Variants in CCDC14 observed in about 807,000 individuals in gnomAD.
The protein encoded by CCDC14 is coiled-coil domain-containing protein 14.
A neutral mutation model predicts 81.4 loss-of-function variants in CCDC14; 71 were observed. The observed-to-expected ratio is 0.87, with a 90% CI of 0.72 to 1.06. The LOEUF is 1.06. Among genes scored for constraint, CCDC14 ranks in the 50% least tolerant of loss-of-function variants. The pLI is 0.00. For missense variants in CCDC14, 1,046 were observed against 1,047.3 expected, an observed-to-expected ratio of 1.00 and a Z score of 0.02; for synonymous variants, 332 against 364.8, an observed-to-expected ratio of 0.91 and a Z score of 1.03.
At chr3:123,935,164 T>C (rs1293477520) in intron 9 of CCDC14, among the ~76,000 whole-genome samples, 2 of 152,140 alleles carry the variant, frequency 1.3e-5, no homozygotes, top group African/African-American at 4.8e-5. Context: ...AAATGGCCTA[T>C]AAGCATATGA....
In CCDC14 at chr3:123,947,618, T is replaced by C. The variant is rs75202668; in HGVS notation, c.685-299A>G. Among the ~76,000 whole-genome samples, 1,025 of 152,210 alleles carry C rather than the reference T, an allele frequency of 6.7e-3. 15 individuals are homozygous for C. The highest frequency in any genetic ancestry group is 0.024 in the African/African-American group (993 of 41,546). ...AAACTTATTTTCTTATGATGTAATT[T>C]CCCAAAGTGGACTAATTTTTGATGC... On this transcript the variant is annotated intron_variant, in intron 7 of 12. Coordinates refer to ENST00000409697, the MANE Select transcript of CCDC14 (RefSeq NM_001366335.1).
downstream of CCDC14, among the ~76,000 whole-genome samples, chr3:123,897,091 T>C (rs1028364371): frequency 2.6e-5 from 4 of 152,196 alleles, no homozygotes; most frequent in South Asian, 8.3e-4. Flanking sequence ...CCTGAGTCTC[T>C]CTTGTTACAA....
intron 9 of CCDC14, among the ~76,000 whole-genome samples, chr3:123,936,314 GA>G (rs2036052924): frequency 6.6e-6 from 1 of 151,804 alleles, no homozygotes; most frequent in South Asian, 2.1e-4. Flanking sequence ...AAATATACTG[GA>G]TTTTAAAAAA....
chr3:123,906,254 C>A (rs527791911), intron 5 of CCDC14, among the ~76,000 whole-genome samples: 6 of 151,940 alleles, frequency 3.9e-5, no homozygotes, highest in Non-Finnish European at 7.4e-5. Context: ...GGCGTGAACA[C>A]GGGAGGCGGA....
the CCDC14 span, among the ~76,000 whole-genome samples, chr3:123,885,240 TATAG>T: frequency 6.6e-5 from 10 of 152,124 alleles, no homozygotes; most frequent in East Asian, 1.9e-3. Context: ...AAAACAAATA[TATAG>T]ATATATAGAC....
intron 12 of CCDC14, among the ~76,000 whole-genome samples, chr3:123,921,788 T>C (rs2035062864): frequency 6.6e-6 from 1 of 152,220 alleles, no homozygotes; most frequent in Non-Finnish European, 1.5e-5. Context: ...TTAAGAAAGT[T>C]TATGAATTTG....
At chr3:123,946,376 T>C (rs2036627966) in intron 8 of CCDC14, among the ~76,000 whole-genome samples, 1 of 152,112 alleles carries the variant, frequency 6.6e-6, no homozygotes. Context: ...CAAAGTGAGA[T>C]TTGTTAAACA....
intron 9 of CCDC14, among the ~76,000 whole-genome samples, chr3:123,943,881 T>C (rs2036489869): frequency 6.6e-6 from 1 of 152,180 alleles, no homozygotes. Context: ...CTTTATAATA[T>C]CCTTTATAAT....
intron 12 of CCDC14, among the ~76,000 whole-genome samples, chr3:123,916,427 T>C (rs2034693192): frequency 6.6e-6 from 1 of 152,086 alleles, no homozygotes; most frequent in Non-Finnish European, 1.5e-5. Flanking sequence ...TCATTTGTTA[T>C]GGATTCTGCT....
In CCDC14 at chr3:123,914,023, C is replaced by T. The variant is rs974738899; in HGVS notation, c.*756G>A. ...CAATGCCAAGATTTACAAATTCCAT[C>T]ATGTTTAAATATAAGGACAAAAATA... On this transcript the variant is annotated 3_prime_UTR_variant, in exon 13 of 13. Transcript: ENST00000409697. The T allele has an allele frequency of 1.0e-6, 1 of 985,046 alleles. No homozygotes were observed. Among genetic ancestry groups the T allele is most frequent in the African/African-American group, 1.7e-5 (1 of 57,168 alleles). 61.0% of individuals were successfully genotyped at this position (985,046 alleles called of 1,614,324 possible).
At position 123,914,672 on chromosome 3, in the gene CCDC14, C is replaced by T; in HGVS notation, c.*107G>A. 1 of 1,431,900 alleles carries T rather than the reference C, an allele frequency of 7.0e-7. No individual in the cohort carries two copies. The highest frequency in any genetic ancestry group is 3.0e-5 in the Admixed American group (1 of 33,622). The allele number at this position is 1,431,900 out of a possible 1,614,324, so 88.7% of individuals were successfully genotyped here. A position where few individuals can be genotyped will look rare whatever the true frequency, so the allele number is the denominator to read the frequency against. ...CATTTATTACTTGTACAATATATTA[C>T]TTCACACATAATAACATAAAACATC... On this transcript the variant is annotated 3_prime_UTR_variant, in exon 13 of 13. Transcript: ENST00000409697.
intron 12 of CCDC14, among the ~76,000 whole-genome samples, chr3:123,929,500 G>T (rs572707759): frequency 6.6e-6 from 1 of 151,890 alleles, no homozygotes; most frequent in Non-Finnish European, 1.5e-5. Flanking sequence ...ACAGGGTTTT[G>T]CTGTGTTGCC....
Position 123,914,981 on chromosome 3 carries a change from A to G in CCDC14, c.2516T>C (p.Leu839Pro). 5 of 1,614,030 alleles carry G rather than the reference A, an allele frequency of 3.1e-6. No homozygotes were observed. The highest frequency in any genetic ancestry group is 4.2e-6 in the Non-Finnish European group (5 of 1,179,862). ...QTACHGPSGCLSNSLQVKGNT... is the reference protein window; with the variant it reads ...QTACHGPSGCPSNSLQVKGNT... ...GCCTTTCACTTGAAGGCTGTTGCTAAGACAACCTGATGGGCCATGACATGC... is the reference window on the plus strand; with the variant it reads ...GCCTTTCACTTGAAGGCTGTTGCTAGGACAACCTGATGGGCCATGACATGC... Residue 839 changes from leucine to proline, a missense_variant, in exon 13 of 13, where the codon CTT becomes CCT. Transcript: ENST00000409697.
rs1293395774 is a variant in CCDC14 at position 123,914,003 on chromosome 3, C to T, written c.*776G>A. On this transcript the variant is annotated 3_prime_UTR_variant, in exon 13 of 13. Transcript: ENST00000409697. Reference sequence around the variant, plus strand: ...CAAAAAGGCAGAATTACAATCAATGCCAAGATTTACAAATTCCATCATGTT... The same window carrying T: ...CAAAAAGGCAGAATTACAATCAATGTCAAGATTTACAAATTCCATCATGTT... The T allele has an allele frequency of 3.0e-6, 3 of 985,312 alleles. No individual in the cohort carries two copies. The highest frequency in any genetic ancestry group is 3.6e-6 in the Non-Finnish European group (3 of 829,656). The allele number at this position is 985,312 out of a possible 1,614,324, so 61.0% of individuals were successfully genotyped here. A position where few individuals can be genotyped will look rare whatever the true frequency, so the allele number is the denominator to read the frequency against.
rs370915573 is a variant in CCDC14 at position 123,955,233 on chromosome 3, T to A, written c.352+610A>T. On this transcript the variant is annotated intron_variant, in intron 5 of 12. Transcript: ENST00000409697. ...CCATCTGAATTCCCACTGTGGACTT[T>A]TTCATCTTCATTTTGGGCTATCTTG... The A allele has an allele frequency of 8.5e-5, 13 of 152,238 alleles. No homozygotes were observed. In the East Asian group the frequency reaches 1.2e-3, roughly 14 times the overall value. The allele number at this position is 152,238 out of a possible 1,614,324, so 9.4% of individuals were successfully genotyped here.
rs568468044 is a variant in CCDC14, at chr3:123,944,259, T to C, written c.1343+590A>G. 3.3e-5 allele frequency among the ~76,000 whole-genome samples: 5 copies of C among 152,262 alleles called. No individual in the cohort carries two copies. In the South Asian group the frequency reaches 1.0e-3, roughly 32 times the overall value. On this transcript the variant is annotated intron_variant, in intron 9 of 12. Coordinates refer to ENST00000409697, the MANE Select transcript of CCDC14 (RefSeq NM_001366335.1). ...AGAGCAGAAGAAAAACAGTTTGCTT[T>C]TAACATAATGTCCCAGACCTTTCTA... is the stretch of plus-strand genomic sequence containing the variant.
At chr3:123,931,765 A>G (rs1182113905) in intron 10 of CCDC14, among the ~76,000 whole-genome samples, 1 of 152,208 alleles carries the variant, frequency 6.6e-6, no homozygotes. Flanking sequence ...CCCTTTTAAA[A>G]GAAAGAATAC....
At position 123,913,688 on chromosome 3, in the gene CCDC14, C is replaced by A. The variant is rs1356687890; in HGVS notation, c.*1091G>T. 352 of 920,876 alleles carry A rather than the reference C, an allele frequency of 3.8e-4. No individual in the cohort carries two copies. The highest frequency in any genetic ancestry group is 9.3e-4 in the African/African-American group (48 of 51,546). The allele number at this position is 920,876 out of a possible 1,614,324, so 57.0% of individuals were successfully genotyped here. ...CTAACACCTAAAAAAAAAAAAAAAA[C>A]CACCAAAAAAACAAAAAACACGAGG... is the stretch of plus-strand genomic sequence containing the variant. On this transcript the variant is annotated 3_prime_UTR_variant, in exon 13 of 13. Transcript: ENST00000409697.
intron 5 of CCDC14, among the ~76,000 whole-genome samples, chr3:123,949,850 C>G (rs1296862938): frequency 6.6e-6 from 1 of 152,168 alleles, no homozygotes; most frequent in Non-Finnish European, 1.5e-5. Flanking sequence ...TCTTCACCAC[C>G]CTAGAGCACA....
Sources: gnomAD v4.1 joint callset for allele counts (sites outside exome capture counted in the v4.1 genomes callset) on GRCh38, gnomAD v4.1.1 for gene constraint, MANE v1.5 for transcripts, NCBI Gene and HGNC (gene_info 2026-07-23, HGNC 2026-07-21) for gene names.